ENPP1: variants seen among roughly 807,000 people sequenced by gnomAD.
The protein encoded by ENPP1 is ectonucleotide pyrophosphatase/phosphodiesterase family member 1.
ENPP1 carries 73 observed loss-of-function variants against 122.8 expected under a neutral mutation model. That is an observed-to-expected ratio of 0.59 (90% CI 0.49 to 0.72). The LOEUF (loss-of-function observed/expected upper bound fraction) is 0.72. Ranked by LOEUF, ENPP1 falls within the 30% of genes least tolerant of loss-of-function variation. ENPP1 has a pLI of 0.00. For synonymous variants in ENPP1, 367 were observed against 391.6 expected, an observed-to-expected ratio of 0.94 and a Z score of 0.74; for missense variants, 978 against 1,128.1, an observed-to-expected ratio of 0.87 and a Z score of 1.91.
At chr6:131,845,277 T>C (rs1304460131) in intron 1 of ENPP1, among the ~76,000 whole-genome samples, 1 of 151,602 alleles carries the variant, frequency 6.6e-6, no homozygotes, top group Non-Finnish European at 1.5e-5. Context: ...GTGATCCACC[T>C]GCCTTGGCCT....
In ENPP1 at chr6:131,892,883, G is replaced by A. The variant is rs1782489645; in HGVS notation, c.*2372G>A. ...CCTTTTCTGGTCCTTTGGCAGGAGA[G>A]AGCAGGACTCTCTTAGGGCTTTTTT... On this transcript the variant is annotated 3_prime_UTR_variant, in exon 25 of 25. Transcript: ENST00000647893. 1 of 152,112 alleles carries A rather than the reference G, an allele frequency of 6.6e-6. No individual in the cohort carries two copies. Among genetic ancestry groups the A allele is most frequent in the African/African-American group, 2.4e-5 (1 of 41,410 alleles). The allele number at this position is 152,112 out of a possible 1,614,324, so 9.4% of individuals were successfully genotyped here.
chr6:131,823,930 C>G (rs1296438986), intron 1 of ENPP1, among the ~76,000 whole-genome samples: 1 of 150,814 alleles, frequency 6.6e-6, no homozygotes, highest in Non-Finnish European at 1.5e-5. Flanking sequence ...TAGGTGGATT[C>G]ATATTTATAA....
In ENPP1 at chr6:131,825,929, C is replaced by A. The variant is rs547997531; in HGVS notation, c.240+17654C>A. The A allele has an allele frequency of 5.9e-5, 26 of 438,864 alleles. 2 individuals are homozygous for A. The South Asian group carries it at 8.0e-4, about 14-fold the overall frequency. The allele number at this position is 438,864 out of a possible 1,614,324, so 27.2% of individuals were successfully genotyped here. A position where few individuals can be genotyped will look rare whatever the true frequency, so the allele number is the denominator to read the frequency against. On this transcript the variant is annotated intron_variant, in intron 1 of 24. Coordinates refer to ENST00000647893, the MANE Select transcript of ENPP1 (RefSeq NM_006208.3). The stretch of plus-strand genomic sequence containing the variant: ...AGAAAATTTTACTTCTTATTTAAAG[C>A]CCTGGAGCATACTTTCAAAAATGAT...
intron 1 of ENPP1, among the ~76,000 whole-genome samples, chr6:131,818,175 T>G (rs1781440125): frequency 6.6e-6 from 1 of 152,084 alleles, no homozygotes; most frequent in African/African-American, 2.4e-5. Flanking sequence ...TAAGACATTA[T>G]TTGCCCTTTC....
At chr6:131,836,207 G>A (rs559606010) in intron 1 of ENPP1, among the ~76,000 whole-genome samples, 1 of 151,904 alleles carries the variant, frequency 6.6e-6, no homozygotes, top group Non-Finnish European at 1.5e-5. Flanking sequence ...CTGCCTCCTG[G>A]GTTCAAGCGA....
chr6:131,819,758 G>T lies in ENPP1; in HGVS notation c.240+11483G>T, dbSNP rs145988658. 968 of 308,140 alleles carry T rather than the reference G, an allele frequency of 3.1e-3. 5 individuals carry two copies. Among genetic ancestry groups the T allele is most frequent in the Admixed American group, 5.0e-3 (101 of 20,044 alleles). 19.1% of individuals were successfully genotyped at this position (308,140 alleles called of 1,614,324 possible). The stretch of plus-strand genomic sequence containing the variant: ...CCCCACTTCTTGATGGTTTCTTTCT[G>T]CTATGAATATGCATGTCCAGTTGTC... On this transcript the variant is annotated intron_variant, in intron 1 of 24. Coordinates refer to ENST00000647893, the MANE Select transcript of ENPP1 (RefSeq NM_006208.3).
At position 131,891,558 on chromosome 6, in the gene ENPP1, C is replaced by T. The variant is rs1281588561; in HGVS notation, c.*1047C>T. On this transcript the variant is annotated 3_prime_UTR_variant, in exon 25 of 25. Transcript: ENST00000647893. ...CTACCTTGACTGTAGCTTTTTATCC[C>T]TACCTGTGAACCTTCAAAGACTGCA... The T allele has an allele frequency of 6.6e-6, 1 of 152,128 alleles. No homozygotes were observed. The highest frequency in any genetic ancestry group is 1.5e-5 in the Non-Finnish European group (1 of 68,034). 9.4% of individuals were successfully genotyped at this position (152,128 alleles called of 1,614,324 possible). A position where few individuals can be genotyped will look rare whatever the true frequency, so the allele number is the denominator to read the frequency against.
intron 1 of ENPP1, among the ~76,000 whole-genome samples, chr6:131,831,608 A>ATGTCCTTCAAC (rs1357662639): frequency 6.6e-6 from 1 of 152,178 alleles, no homozygotes; most frequent in African/African-American, 2.4e-5. Flanking sequence ...ATTTTGTGGA[A>ATGTCCTTCAAC]TGTCCTTCAA....
chr6:131,884,542 CAGA>C (rs1782352045), intron 22 of ENPP1, among the ~76,000 whole-genome samples: 1 of 152,156 alleles, frequency 6.6e-6, no homozygotes, highest in Non-Finnish European at 1.5e-5. Context: ...GAGTCCAACT[CAGA>C]AGGACTGCTT....
chr6:131,858,138 G>C (rs1364301760), intron 6 of ENPP1, among the ~76,000 whole-genome samples: 1 of 152,178 alleles, frequency 6.6e-6, no homozygotes, highest in Non-Finnish European at 1.5e-5. Context: ...ACCAGAACTA[G>C]ATCAGCAGGG....
At chr6:131,825,538 T>G (rs1781536212) in intron 1 of ENPP1, among the ~76,000 whole-genome samples, 1 of 152,204 alleles carries the variant, frequency 6.6e-6, no homozygotes, top group South Asian at 2.1e-4. Flanking sequence ...AGTACAGATC[T>G]GTGGAACATT....
At chr6:131,827,767 C>T (rs1781562971) in intron 1 of ENPP1, 1 of 759,926 alleles carries the variant, frequency 1.3e-6, no homozygotes, top group East Asian at 2.7e-5. Context: ...GCTTTCTATA[C>T]CAGCTGACTC....
chr6:131,826,374 C>T, intron 1 of ENPP1: 1 of 1,072,298 alleles, frequency 9.3e-7, no homozygotes. Context: ...GGAAAAGCTG[C>T]TAGGGCAGAT....
At chr6:131,827,605 G>C (rs182605698) in intron 1 of ENPP1, 3 of 595,668 alleles carry the variant, frequency 5.0e-6, no homozygotes, top group Admixed American at 2.5e-5. Flanking sequence ...CATAAGTTAT[G>C]ATGAGCACAA....
intron 1 of ENPP1, among the ~76,000 whole-genome samples, chr6:131,838,516 G>A (rs1781703342): frequency 6.6e-6 from 1 of 151,488 alleles, no homozygotes; most frequent in Non-Finnish European, 1.5e-5. Context: ...TGTCTAAAGG[G>A]GTTTACAAGT....
intron 14 of ENPP1, among the ~76,000 whole-genome samples, 157 bp from the exon 15 acceptor site, chr6:131,872,766 T>A (rs1363069881): frequency 6.6e-6 from 1 of 152,126 alleles, no homozygotes; most frequent in Admixed American, 6.6e-5. Flanking sequence ...TGAAAAAAAA[T>A]TTCATATGAA....
At chr6:131,864,376 C>G (rs1489937653) in intron 9 of ENPP1, 130 bp from the exon 10 acceptor site, 1 of 666,858 alleles carries the variant, frequency 1.5e-6, no homozygotes, top group Non-Finnish European at 2.7e-6. Flanking sequence ...AAATAAAACC[C>G]TTGATTTCAA....
intron 1 of ENPP1, among the ~76,000 whole-genome samples, chr6:131,842,821 C>G (rs1469911264): frequency 6.6e-6 from 1 of 152,016 alleles, no homozygotes; most frequent in East Asian, 1.9e-4. Flanking sequence ...TCAATGAATG[C>G]CTGATACAGA....
At position 131,886,639 on chromosome 6, in the gene ENPP1, C is replaced by T. The variant is rs779547532; in HGVS notation, c.2522C>T (p.Thr841Ile). 2 of 1,613,782 alleles carry T rather than the reference C, an allele frequency of 1.2e-6. No homozygotes were observed. The highest frequency in any genetic ancestry group is 2.2e-5 in the East Asian group (1 of 44,860). ...ATTGTGCTAACAAGCTGTAAAGATA[C>T]ATCTCAGACGCCTTTGCACTGTGAA... ...FFIVLTSCKD[T>I]SQTPLHCENL... is the part of the protein sequence containing the mutation. Residue 841 changes from threonine (T) to isoleucine (I), a missense_variant, in exon 24 of 25, where the codon ACA becomes ATA. Physicochemically the swap from Thr to Ile is moderately conservative, Grantham distance 89. This residue lies in a region of ENPP1 where 644 missense variants were observed against 781.5 expected (regional missense o/e 0.82). Coordinates refer to ENST00000647893, the MANE Select transcript of ENPP1 (RefSeq NM_006208.3).
Sources: allele counts gnomAD v4.1 joint callset (sites outside exome capture counted in the v4.1 genomes callset), GRCh38; gene constraint gnomAD v4.1.1; regional missense constraint gnomAD v4.1.1; transcripts MANE v1.5; gene names NCBI Gene and HGNC (gene_info 2026-07-23, HGNC 2026-07-21).